The following EYS variants were observed in gnomAD, a reference collection of about 807,000 sequenced individuals.
The protein encoded by EYS is EGF-like photoreceptor maintenance factor.
EYS carries 250 observed loss-of-function variants against 282.1 expected under a neutral mutation model. The ratio of observed to expected loss-of-function variants is 0.89; its 90% CI spans 0.80 to 0.98. The LOEUF is 0.98. Among genes scored for constraint, EYS ranks in the 50% least tolerant of loss-of-function variants. EYS has a pLI of 0.00. For missense variants in EYS, 4,016 were observed against 3,709.0 expected (o/e 1.08, Z -2.15); for synonymous variants, 1,355 against 1,282.9 (o/e 1.06, Z -1.20).
chr6:64,248,836 T>A (rs1304378953), intron 30 of EYS, among the ~76,000 whole-genome samples: 1 of 151,914 alleles, frequency 6.6e-6, no homozygotes, highest in African/African-American at 2.4e-5. Flanking sequence ...AGGCGAATTG[T>A]GTTGAGCTCA....
At position 63,721,555 on chromosome 6, in the gene EYS, C is replaced by A. The variant is rs892093060; in HGVS notation, c.8476G>T (p.Val2826Leu). The A allele has an allele frequency of 1.3e-6, 2 of 1,551,812 alleles. No homozygotes were observed. Among genetic ancestry groups the A allele is most frequent in the Admixed American group, 2.0e-5 (1 of 50,986 alleles). The change falls in exon 43 of 43, where the codon GTA (valine) becomes TTA (leucine). Residue 2826 changes from valine to leucine, a missense_variant. Transcript: ENST00000503581. Reference sequence around the variant, plus strand: ...GGATTTACAAGATTTAAAGAAGATACTCCTCCAATATAGAAGTCTGTATTT... The same window carrying A: ...GGATTTACAAGATTTAAAGAAGATAATCCTCCAATATAGAAGTCTGTATTT... ...DTNTDFYIGG[V>L]SSLNLVNPMA...
intron 35 of EYS, among the ~76,000 whole-genome samples, chr6:63,876,322 C>G (rs1023827114): frequency 2.6e-5 from 4 of 152,192 alleles, no homozygotes; most frequent in Non-Finnish European, 4.4e-5. Flanking sequence ...TTTGATTGCA[C>G]TGTGGTCTGA....
At chr6:65,612,662 T>C (rs978043020) in intron 2 of EYS, among the ~76,000 whole-genome samples, 7 of 151,762 alleles carry the variant, frequency 4.6e-5, no homozygotes, top group African/African-American at 1.7e-4. Context: ...ATTGTGGATA[T>C]TGGTATTACA....
At chr6:64,035,315 T>C (rs963294785) in intron 33 of EYS, among the ~76,000 whole-genome samples, 1 of 152,252 alleles carries the variant, frequency 6.6e-6, no homozygotes, top group Non-Finnish European at 1.5e-5. Context: ...ACAACAACCA[T>C]TGAATTCCTA....
rs1419825253 is a variant in EYS, at chr6:64,152,181, T to C, written c.6425-70179A>G. ...GCTCATTAAAATACATATGCAACTTTAGAGCATGGGAAATAAAAGGACTGG... is the reference window on the plus strand; with the variant it reads ...GCTCATTAAAATACATATGCAACTTCAGAGCATGGGAAATAAAAGGACTGG... On this transcript the variant is annotated intron_variant, in intron 31 of 42. Coordinates refer to ENST00000503581, the MANE Select transcript of EYS (RefSeq NM_001142800.2). Among the ~76,000 whole-genome samples, 4 of 152,168 alleles carry C rather than the reference T, an allele frequency of 2.6e-5. No individual in the cohort carries two copies. The East Asian group carries it at 7.7e-4, about 29-fold the overall frequency.
At position 64,585,267 on chromosome 6, in the gene EYS, T is replaced by G. The variant is rs549066627; in HGVS notation, c.5644+4956A>C. ...TCATGTGTAAGTAGGAGCTAAACAG[T>G]GAGTACCTATGGACATAAACATAGG... On this transcript the variant is annotated intron_variant, in intron 26 of 42. Coordinates refer to ENST00000503581, the MANE Select transcript of EYS (RefSeq NM_001142800.2). Among the ~76,000 whole-genome samples the G allele has an allele frequency of 2.0e-5, 3 of 152,038 alleles. No homozygotes were observed. The East Asian group carries it at 5.8e-4, about 29-fold the overall frequency.
intron 19 of EYS, among the ~76,000 whole-genome samples, chr6:64,847,025 C>T (rs561268586): frequency 6.6e-6 from 1 of 151,684 alleles, no homozygotes; most frequent in Non-Finnish European, 1.5e-5. Flanking sequence ...GAATGAATGC[C>T]CATCATCCAA....
In EYS at chr6:64,877,722, T is replaced by C. The variant is rs556222246; in HGVS notation, c.2992+8975A>G. ...GATTGGAAGTGGGATTGAAAGAGAA[T>C]AGGTAGTGAGGAAATGGATATTCAA... On this transcript the variant is annotated intron_variant, in intron 19 of 42. Coordinates refer to ENST00000503581, the MANE Select transcript of EYS (RefSeq NM_001142800.2). Among the ~76,000 whole-genome samples the C allele has an allele frequency of 4.7e-4, 71 of 152,228 alleles. 1 individual carries two copies. The highest frequency in any genetic ancestry group is 1.6e-3 in the African/African-American group (68 of 41,542).
At chr6:65,539,436 T>C (rs1481216785) in intron 2 of EYS, among the ~76,000 whole-genome samples, 2 of 152,142 alleles carry the variant, frequency 1.3e-5, no homozygotes, top group African/African-American at 2.4e-5. Flanking sequence ...AAAGCTATGA[T>C]ATACAATATA....
chr6:64,218,200 C>G (rs1765991643), intron 31 of EYS, among the ~76,000 whole-genome samples: 1 of 152,106 alleles, frequency 6.6e-6, no homozygotes, highest in South Asian at 2.1e-4. Context: ...TGAGAAAGCT[C>G]AATACTGCCA....
At chr6:65,270,629 C>T (rs1332080260) in intron 12 of EYS, among the ~76,000 whole-genome samples, 4 of 152,118 alleles carry the variant, frequency 2.6e-5, no homozygotes, top group African/African-American at 4.8e-5. Flanking sequence ...TCTCATCACA[C>T]ATTTTACTAT....
intron 22 of EYS, among the ~76,000 whole-genome samples, chr6:64,783,019 G>A (rs1157510897): frequency 6.6e-6 from 1 of 152,114 alleles, no homozygotes; most frequent in African/African-American, 2.4e-5. Flanking sequence ...TTAGTAGTGT[G>A]ATGAAATCGT....
intron 30 of EYS, among the ~76,000 whole-genome samples, chr6:64,299,500 C>G (rs981739036): frequency 1.2e-4 from 18 of 152,290 alleles, no homozygotes; most frequent in African/African-American, 4.1e-4. Context: ...CTGCAACGGA[C>G]TGGTGATTGT....
At chr6:64,139,628 G>A (rs1472806502) in intron 31 of EYS, among the ~76,000 whole-genome samples, 2 of 152,052 alleles carry the variant, frequency 1.3e-5, no homozygotes, top group African/African-American at 4.8e-5. Flanking sequence ...TTGAAGAGTT[G>A]AGCAGAGATG....
intron 34 of EYS, among the ~76,000 whole-genome samples, chr6:63,995,979 T>C (rs1218940071): frequency 6.6e-6 from 1 of 151,940 alleles, no homozygotes; most frequent in Non-Finnish European, 1.5e-5. Flanking sequence ...GATAAATATT[T>C]GAGGTAATGG....
chr6:64,028,993 G>T (rs1479687867), intron 33 of EYS, among the ~76,000 whole-genome samples: 1 of 152,118 alleles, frequency 6.6e-6, no homozygotes, highest in African/African-American at 2.4e-5. Context: ...CAGTTGAGGG[G>T]GTTCCTTGGA....
intron 2 of EYS, among the ~76,000 whole-genome samples, chr6:65,501,763 T>C (rs1416296066): frequency 6.6e-6 from 1 of 151,746 alleles, no homozygotes; most frequent in African/African-American, 2.4e-5. Context: ...TATTAAAATA[T>C]GCTGTAAGAA....
At chr6:65,373,200 CAT>C (rs754449471) in intron 8 of EYS, among the ~76,000 whole-genome samples, 33 of 152,288 alleles carry the variant, frequency 2.2e-4, no homozygotes, top group Middle Eastern at 3.4e-3. Context: ...CATTCTTCCA[CAT>C]GTTTCTCTTT....
chr6:64,349,571 G>T (rs1171426865), intron 29 of EYS, among the ~76,000 whole-genome samples: 1 of 151,172 alleles, frequency 6.6e-6, no homozygotes, highest in Non-Finnish European at 1.5e-5. Flanking sequence ...AAAATAAATA[G>T]AATCTTCTAT....
Sources: allele counts gnomAD v4.1 joint callset (sites outside exome capture counted in the v4.1 genomes callset), GRCh38; gene constraint gnomAD v4.1.1; transcripts MANE v1.5; gene names NCBI Gene and HGNC (gene_info 2026-07-23, HGNC 2026-07-21).